The following COG6 variants were observed in gnomAD, a reference collection of about 807,000 sequenced individuals.
COG6 encodes the protein conserved oligomeric Golgi complex subunit 6.
In COG6, 74 loss-of-function variants were observed where a neutral mutation model predicts 88.8. That is an observed-to-expected ratio of 0.83 (90% CI 0.69 to 1.01). COG6 has a LOEUF of 1.01. Ranked by LOEUF, COG6 falls within the 50% of genes least tolerant of loss-of-function variation. The pLI is 0.00. For missense variants in COG6, 800 were observed against 797.9 expected, an observed-to-expected ratio of 1.00 and a Z score of -0.03; for synonymous variants, 286 against 278.7, an observed-to-expected ratio of 1.03 and a Z score of -0.26.
chr13:39,758,651 C>G (rs541537517), intron 18 of COG6, among the ~76,000 whole-genome samples: 1 of 152,216 alleles, frequency 6.6e-6, no homozygotes, highest in Non-Finnish European at 1.5e-5. Flanking sequence ...TAAAGTGGTA[C>G]AGCTGATGTG....
At chr13:39,752,674 T>C, downstream of COG6, 2 of 1,187,268 alleles carry the variant, frequency 1.7e-6, no homozygotes, top group East Asian at 6.0e-5. Flanking sequence ...ATATATCCTA[T>C]TGATGTGTTT....
intron 13 of COG6, among the ~76,000 whole-genome samples, chr13:39,714,913 A>G (rs1878442465): frequency 6.6e-6 from 1 of 152,172 alleles, no homozygotes. Context: ...AACAACTTGA[A>G]TGGAGCAGGA....
chr13:39,742,289 A>G (rs1409202161), intron 18 of COG6, among the ~76,000 whole-genome samples: 2 of 152,234 alleles, frequency 1.3e-5, no homozygotes, highest in African/African-American at 2.4e-5. Flanking sequence ...AAATGCCCCA[A>G]TTAAAAGACA....
chr13:39,780,315 A>AT (rs1014812444), intron 18 of COG6, among the ~76,000 whole-genome samples: 1 of 152,226 alleles, frequency 6.6e-6, no homozygotes, highest in African/African-American at 2.4e-5. Context: ...GCTTTTGAAT[A>AT]TATAAAGCAA....
At chr13:39,658,956 GT>G (rs1399069371) in intron 1 of COG6, among the ~76,000 whole-genome samples, 2 of 152,106 alleles carry the variant, frequency 1.3e-5, no homozygotes, top group Non-Finnish European at 1.5e-5. Context: ...TTCCTTTTAA[GT>G]TTTTAACTGT....
chr13:39,788,931 G>A (rs1165974545), exon 19 of COG6: 1 of 152,726 alleles, frequency 6.5e-6, no homozygotes, highest in Non-Finnish European at 1.5e-5. Context: ...ACTTGTACTT[G>A]TTGGTTTTAA....
chr13:39,665,281 A>G (rs577897401), intron 4 of COG6, 127 bp downstream of exon 4: 3 of 641,294 alleles, frequency 4.7e-6, no homozygotes, highest in East Asian at 5.5e-5. Flanking sequence ...GTCCTAAACT[A>G]TTATATTACC....
intron 18 of COG6, among the ~76,000 whole-genome samples, chr13:39,782,812 G>A (rs1041043732): frequency 6.6e-5 from 10 of 152,140 alleles, no homozygotes; most frequent in East Asian, 1.9e-4. Context: ...TGTGGCTCAC[G>A]TGCCCATAAG....
intron 13 of COG6, among the ~76,000 whole-genome samples, chr13:39,701,642 TAA>T (rs1237937650): frequency 6.6e-6 from 1 of 151,986 alleles, no homozygotes; most frequent in Non-Finnish European, 1.5e-5. Flanking sequence ...CAGATGCTTT[TAA>T]AGAGTTCAAG....
intron 3 of COG6, among the ~76,000 whole-genome samples, chr13:39,664,424 A>G (rs1463031525): frequency 1.3e-5 from 2 of 152,176 alleles, no homozygotes; most frequent in Non-Finnish European, 2.9e-5. Flanking sequence ...TAGTTCAGAT[A>G]TTTGAGAGAG....
At chr13:39,684,472 G>C (rs1030464971) in intron 8 of COG6, among the ~76,000 whole-genome samples, 3 of 151,472 alleles carry the variant, frequency 2.0e-5, no homozygotes, top group African/African-American at 4.8e-5. Context: ...GGATGGTCTC[G>C]ATCTCCTGAC....
At chr13:39,748,431 A>G (rs1880453620) in intron 18 of COG6, among the ~76,000 whole-genome samples, 1 of 151,988 alleles carries the variant, frequency 6.6e-6, no homozygotes, top group South Asian at 2.1e-4. Flanking sequence ...CCTTGCCAAC[A>G]TGATGAAACC....
Position 39,779,617 on chromosome 13 carries a change from A to G in COG6, c.1827-8718A>G, listed in dbSNP as rs1253929849. Among the ~76,000 whole-genome samples, 3 of 152,254 alleles carry G rather than the reference A, an allele frequency of 2.0e-5. No homozygotes were observed. In the East Asian group the frequency reaches 5.8e-4, roughly 29 times the overall value. On this transcript the variant is annotated intron_variant, in intron 18 of 18. Transcript: ENST00000416691. Reference sequence around the variant, plus strand: ...TGGCACCCAGGGTCCTGCTGAAATCAGAGGCATAAATCTCAGCTGCAGGCA... The same window carrying G: ...TGGCACCCAGGGTCCTGCTGAAATCGGAGGCATAAATCTCAGCTGCAGGCA...
At chr13:39,679,514 A>T in intron 5 of COG6, 24 bp from the exon 6 acceptor site, 1 of 1,330,698 alleles carries the variant, frequency 7.5e-7, no homozygotes, top group Non-Finnish European at 1.1e-6. Flanking sequence ...GCATGGACAT[A>T]AAGTCACATT....
In COG6 at chr13:39,660,874, G is replaced by T; in HGVS notation, c.362G>T (p.Arg121Leu). The T allele has an allele frequency of 6.3e-7, 1 of 1,588,778 alleles. No homozygotes were observed. The highest frequency in any genetic ancestry group is 8.6e-7 in the Non-Finnish European group (1 of 1,158,116). ...MSNCCQDMTS[R>L]LQAAKEQTQD... ...AACTGTTGTCAAGATATGACAAGTC[G>T]CCTACAGGTATTATATAATGGCTAG... The change falls in exon 3 of 19, where the codon CGC becomes CTC. Residue 121 changes from arginine to leucine, a missense_variant. Transcript: ENST00000455146.
intron 13 of COG6, among the ~76,000 whole-genome samples, chr13:39,706,622 G>C (rs920944951): frequency 2.0e-5 from 3 of 151,896 alleles, no homozygotes; most frequent in African/African-American, 7.2e-5. Context: ...TAAAAAAAGA[G>C]AGGTTCTAAT....
intron 4 of COG6, among the ~76,000 whole-genome samples, chr13:39,676,373 A>C (rs1347936442): frequency 6.6e-6 from 1 of 152,166 alleles, no homozygotes; most frequent in Non-Finnish European, 1.5e-5. Context: ...CAGGCAACAA[A>C]GCAAAAATAA....
intron 18 of COG6, among the ~76,000 whole-genome samples, chr13:39,774,292 A>T (rs930571902): frequency 3.3e-5 from 5 of 152,172 alleles, no homozygotes; most frequent in African/African-American, 1.2e-4. Context: ...TTTCCCCTAA[A>T]TGTTAGGCCA....
intron 4 of COG6, among the ~76,000 whole-genome samples, chr13:39,670,142 A>G (rs1177069990): frequency 1.3e-5 from 2 of 152,134 alleles, no homozygotes; most frequent in Admixed American, 6.5e-5. Context: ...AGATGCTCTA[A>G]TAGATAAAGC....
Sources: allele counts gnomAD v4.1 joint callset (sites outside exome capture counted in the v4.1 genomes callset), GRCh38; gene constraint gnomAD v4.1.1; transcripts MANE v1.5; gene names NCBI Gene and HGNC (gene_info 2026-07-23, HGNC 2026-07-21).